The following UNKL variants were observed in gnomAD, a reference collection of about 807,000 sequenced individuals.
UNKL encodes the protein putative E3 ubiquitin-protein ligase UNKL.
A neutral mutation model predicts 78.0 loss-of-function variants in UNKL; 60 were observed. The ratio of observed to expected loss-of-function variants is 0.77; its 90% CI spans 0.63 to 0.95. The LOEUF (loss-of-function observed/expected upper bound fraction) is 0.95, where lower values mean the gene tolerates loss of function less well. Among genes scored for constraint, UNKL ranks in the 40% least tolerant of loss-of-function variants. The probability of loss-of-function intolerance (pLI) is 0.00; values close to 1 mark genes in which losing one functional copy is unlikely to be tolerated. For synonymous variants in UNKL, 608 were observed against 474.8 expected, an observed-to-expected ratio of 1.28 and a Z score of -3.65; for missense variants, 1,159 against 1,045.7, an observed-to-expected ratio of 1.11 and a Z score of -1.49.
intron 13 of UNKL, 87 bp downstream of exon 13, chr16:1,367,569 T>TCCCTCCCCTCCCATCTCA (rs1358787570): frequency 2.5e-5 from 5 of 201,800 alleles, no homozygotes; most frequent in Non-Finnish European, 3.5e-5. Flanking sequence ...CCTCCCTCCC[T>TCCCTCCCCTCCCATCTCA]CCCCTCCCAT....
intron 10 of UNKL, among the ~76,000 whole-genome samples, chr16:1,375,113 G>A (rs1352603434): frequency 6.6e-6 from 1 of 152,216 alleles, no homozygotes; most frequent in Non-Finnish European, 1.5e-5. Context: ...CTGGCGCTCG[G>A]CGGTCACACC....
rs768710617 is a variant in UNKL, at chr16:1,394,242, T to C, written c.853-27A>G. The stretch of plus-strand genomic sequence containing the variant: ...TGGGGAAAAAAGTGAAATAAAGAGG[T>C]TGGATTGGAAATGGGATTCTGTGGA... On this transcript the variant is annotated intron_variant, in intron 6 of 14. Transcript: ENST00000389221. 3.9e-6 allele frequency: 6 copies of C among 1,549,158 alleles called. No individual in the cohort carries two copies. The East Asian group carries it at 9.8e-5, about 25-fold the overall frequency.
chr16:1,367,844 G>A lies in UNKL; in HGVS notation c.1600C>T (p.Pro534Ser), dbSNP rs1433445761. The change falls in exon 13 of 15, where the codon CCC becomes TCC. Residue 534 changes from proline (P) to serine (S), a missense_variant. By Grantham distance (74) the Pro-to-Ser change is moderately conservative. Transcript: ENST00000389221. ...GAAACAAAGTCCCAGATGCTCCCGGGGACACCGTTCAAACCTGAGTGTGAA... is the reference window on the plus strand; with the variant it reads ...GAAACAAAGTCCCAGATGCTCCCGGAGACACCGTTCAAACCTGAGTGTGAA... ...SYSPLGLNGV[P>S]GSIWDFVSGS... is the part of the protein sequence containing the mutation. 3.2e-6 allele frequency: 5 copies of A among 1,570,444 alleles called. No individual in the cohort carries two copies. The highest frequency in any genetic ancestry group is 1.9e-5 in the Admixed American group (1 of 53,806).
At chr16:1,366,699 G>A (rs951290613) in intron 14 of UNKL, among the ~76,000 whole-genome samples, 4 of 152,224 alleles carry the variant, frequency 2.6e-5, no homozygotes, top group Non-Finnish European at 5.9e-5. Context: ...TGTGGGCTAC[G>A]CAGGACCCTC....
intron 2 of UNKL, chr16:1,406,086 G>A (rs183504916): frequency 1.1e-5 from 5 of 456,582 alleles, no homozygotes; most frequent in South Asian, 6.2e-5. Context: ...CCGGGCTTAG[G>A]AGACAGGCAG....
At chr16:1,368,124 G>A in intron 12 of UNKL, 1 of 521,438 alleles carries the variant, frequency 1.9e-6, no homozygotes, top group Non-Finnish European at 3.4e-6. Flanking sequence ...TCTAAACAGA[G>A]AGGAATTAAA....
chr16:1,403,322 T>C lies in UNKL; in HGVS notation c.310A>G (p.Thr104Ala). ...GDECPYLHRT[T>A]GDTERKYHLR... ...TGGTACTTGCGTTCTGTGTCCCCCG[T>C]CGTCCGGTGCAGGTAGGGACACCTG... Residue 104 changes from threonine (T) to alanine (A), a missense_variant, in exon 3 of 15, where the codon ACG (threonine) becomes GCG (alanine). Physicochemically the swap from Thr to Ala is moderately conservative, Grantham distance 58 (BLOSUM62 0). Coordinates refer to ENST00000389221, the MANE Select transcript of UNKL (RefSeq NM_001372107.1). This position sits in a 1 kb window ranked among gnomAD's most constrained non-coding sequence, Gnocchi z 4.8. The C allele has an allele frequency of 1.2e-6, 2 of 1,614,164 alleles. No individual in the cohort carries two copies. The highest frequency in any genetic ancestry group is 1.6e-4 in the Middle Eastern group (1 of 6,062).
intron 2 of UNKL, among the ~76,000 whole-genome samples, chr16:1,411,387 C>T (rs1372771446): frequency 6.6e-6 from 1 of 151,544 alleles, no homozygotes. Flanking sequence ...AATAAATTAG[C>T]CAGGAGTGAT....
Position 1,366,199 on chromosome 16 carries a change from G to T in UNKL, c.*41C>A. 1 of 1,468,720 alleles carries T rather than the reference G, an allele frequency of 6.8e-7. No individual in the cohort carries two copies. The allele number at this position is 1,468,720 out of a possible 1,614,324, so 91.0% of individuals were successfully genotyped here. On this transcript the variant is annotated 3_prime_UTR_variant, in exon 15 of 15. Coordinates refer to ENST00000389221, the MANE Select transcript of UNKL (RefSeq NM_001372107.1). ...ATGTCCGTGGTCAGGAGGAGCGCTG[G>T]AGCCAGGGTGCCCAGCAGGAGGTGG...
rs1037868830 is a variant in UNKL at position 1,369,063 on chromosome 16, T to G, written c.1585+1067A>C. 4.0e-5 allele frequency among the ~76,000 whole-genome samples: 5 copies of G among 123,468 alleles called. No homozygotes were observed. The South Asian group carries it at 9.2e-4, about 23-fold the overall frequency. 81.0% of individuals were successfully genotyped at this position (123,468 alleles called of 152,430 possible). ...GTTGGCCCAAAGTATTAGTTTTTTT[T>G]TTTTTTTTTTTTTTTTTTTTGAAAT... is the stretch of plus-strand genomic sequence containing the variant. On this transcript the variant is annotated intron_variant, in intron 12 of 14. Transcript: ENST00000389221.
In UNKL at chr16:1,367,263, C is replaced by G. The variant is rs775942468; in HGVS notation, c.1875G>C (p.Lys625Asn). ...TCACCTGTGCCTCCACCTCCTCCTT[C>G]TTCTGCAGCGCCAGCTGCCGGTCGC... ...ADSDRQLALQ[K>N]KEEVEAQVKQ... is the part of the protein sequence containing the mutation. Residue 625 changes from lysine (K) to asparagine (N), a missense_variant, in exon 14 of 15, where the codon AAG becomes AAC. By Grantham distance (94) the Lys-to-Asn change is moderately conservative (BLOSUM62 0). Transcript: ENST00000389221. 20 of 1,582,728 alleles carry G rather than the reference C, an allele frequency of 1.3e-5. No individual in the cohort carries two copies. Among genetic ancestry groups the G allele is most frequent in the Non-Finnish European group, 1.7e-5 (20 of 1,168,548 alleles).
intron 10 of UNKL, 129 bp from the exon 11 acceptor site, chr16:1,371,740 G>A (rs1596659013): frequency 1.1e-5 from 10 of 942,248 alleles, no homozygotes; most frequent in Middle Eastern, 2.3e-4. Context: ...GGGAGTTGCT[G>A]GGGCAGCCAG....
At chr16:1,406,373 T>C (rs1241897337) in intron 2 of UNKL, among the ~76,000 whole-genome samples, 1 of 152,082 alleles carries the variant, frequency 6.6e-6, no homozygotes, top group Non-Finnish European at 1.5e-5. Context: ...CCACCATGCC[T>C]GGCTAATTTT....
intron 2 of UNKL, among the ~76,000 whole-genome samples, chr16:1,408,224 C>G (rs1017864362): frequency 6.6e-6 from 1 of 151,704 alleles, no homozygotes; most frequent in African/African-American, 2.4e-5. Context: ...CTCAGCTACA[C>G]CCCCGGGGCC....
rs1205099534 is a variant in UNKL at position 1,413,859 on chromosome 16, G to T, written c.274C>A (p.Pro92Thr). 15 of 1,526,042 alleles carry T rather than the reference G, an allele frequency of 9.8e-6. No homozygotes were observed. Among genetic ancestry groups the T allele is most frequent in the Non-Finnish European group, 1.3e-5 (15 of 1,127,772 alleles). 94.5% of individuals were successfully genotyped at this position (1,526,042 alleles called of 1,614,324 possible). Reference sequence around the variant, plus strand: ...GCGGCCGCTTACTCGTCGCCGTCGGGGCACACGCCGGTGGCTTCGTTGTAC... The same window carrying T: ...GCGGCCGCTTACTCGTCGCCGTCGGTGCACACGCCGGTGGCTTCGTTGTAC... ...SKYNEATGVC[P>T]DGDECPYLHR... is the part of the protein sequence containing the mutation. Residue 92 changes from proline (P) to threonine (T), a missense_variant, in exon 2 of 15, where the codon CCC becomes ACC. Transcript: ENST00000389221.
chr16:1,366,977 G>A, intron 14 of UNKL, 115 bp downstream of exon 14: 1 of 1,429,840 alleles, frequency 7.0e-7, no homozygotes, highest in Non-Finnish European at 9.1e-7. Context: ...TAGGCCCGGA[G>A]CAGACCCTGG....
intron 6 of UNKL, chr16:1,396,919 T>C (rs1458910583): frequency 9.9e-6 from 5 of 506,966 alleles, no homozygotes; most frequent in African/African-American, 5.8e-5. Flanking sequence ...ATTTTCTCTC[T>C]GCTTTTTTCC....
At chr16:1,389,294 T>G (rs7200378) in intron 9 of UNKL, among the ~76,000 whole-genome samples, 3 of 152,150 alleles carry the variant, frequency 2.0e-5, no homozygotes, top group Non-Finnish European at 2.9e-5. Context: ...TAAGGTGAAA[T>G]GAGTTCTTAC....
At chr16:1,394,908 C>T (rs758159827) in intron 6 of UNKL, among the ~76,000 whole-genome samples, 16 of 152,176 alleles carry the variant, frequency 1.1e-4, no homozygotes, top group Non-Finnish European at 1.9e-4. Flanking sequence ...GAGAGAGTCT[C>T]GCTCTGTCAC....
Sources: allele counts gnomAD v4.1 joint callset (sites outside exome capture counted in the v4.1 genomes callset), GRCh38; gene constraint gnomAD v4.1.1; non-coding constraint Gnocchi (gnomAD v3.1); transcripts MANE v1.5; gene names NCBI Gene and HGNC (gene_info 2026-07-23, HGNC 2026-07-21).